Variants in WNK3 observed in about 807,000 individuals in gnomAD.
WNK3 encodes serine/threonine-protein kinase WNK3.
Under a neutral mutation model 116.7 loss-of-function variants are expected in WNK3, and 18 were observed. The ratio of observed to expected loss-of-function variants is 0.15; its 90% CI spans 0.11 to 0.23. The LOEUF is 0.23. Ranked by LOEUF, WNK3 falls within the 10% of genes least tolerant of loss-of-function variation. The probability of loss-of-function intolerance (pLI) is 1.00; values close to 1 mark genes in which losing one functional copy is unlikely to be tolerated. For synonymous variants in WNK3, 404 were observed against 469.4 expected, an observed-to-expected ratio of 0.86 and a Z score of 1.80; for missense variants, 993 against 1,323.8, an observed-to-expected ratio of 0.75 and a Z score of 3.88.
At chrX:54,206,284 G>A (rs2067552870) in intron 22 of WNK3, among the ~76,000 whole-genome samples, 1 of 110,862 alleles carries the variant, frequency 9.0e-6, no homozygotes, top group South Asian at 3.8e-4. Context: ...CAGCTACTTG[G>A]GAGGTTAAGG....
chrX:54,284,706 T>C (rs1384154882), intron 10 of WNK3, among the ~76,000 whole-genome samples: 12 of 112,163 alleles, frequency 1.1e-4, no homozygotes, highest in Non-Finnish European at 2.1e-4. Context: ...CATGGTGGCT[T>C]GTGCCTATAA....
chrX:54,349,874 C>T (rs1449805036), intron 1 of WNK3, among the ~76,000 whole-genome samples: 1 of 110,466 alleles, frequency 9.1e-6, no homozygotes, highest in Non-Finnish European at 1.9e-5. Flanking sequence ...AACAAGATCC[C>T]ACCTTTAAAA....
intron 3 of WNK3, among the ~76,000 whole-genome samples, chrX:54,310,090 G>A (rs1557169404): frequency 9.2e-6 from 1 of 109,122 alleles, no homozygotes; most frequent in African/African-American, 3.3e-5. Context: ...AATAATTGTG[G>A]TTAGAAATAA....
At position 54,262,416 on chromosome X, in the gene WNK3, G is replaced by A. The variant is rs782751914; in HGVS notation, c.2038-3078C>T. Reference sequence around the variant, plus strand: ...AGCTAACATTCACTATGAAACAAGCGTTGTAGTATGTGCTTTTTGCTTCCT... The same window carrying A: ...AGCTAACATTCACTATGAAACAAGCATTGTAGTATGTGCTTTTTGCTTCCT... On this transcript the variant is annotated intron_variant, in intron 10 of 23. Transcript: ENST00000354646. 1.3e-4 allele frequency among the ~76,000 whole-genome samples: 15 copies of A among 111,838 alleles called. No homozygotes were observed. In the South Asian group the frequency reaches 1.9e-3, roughly 14 times the overall value.
intron 1 of WNK3, among the ~76,000 whole-genome samples, chrX:54,344,798 G>C (rs1432634512): frequency 9.1e-6 from 1 of 109,338 alleles, no homozygotes; most frequent in Non-Finnish European, 1.9e-5. Context: ...CAAAATTTTA[G>C]CCGGGCGTGG....
exon 14 of WNK3, chrX:54,251,603 G>A (rs782763124): frequency 1.7e-6 from 2 of 1,210,358 alleles, no homozygotes; most frequent in Admixed American, 2.2e-5. Flanking sequence ...TGGACATGAA[G>A]GATCTCCTGG....
chrX:54,218,021 G>GAGGGA (rs1569535565), intron 22 of WNK3, among the ~76,000 whole-genome samples: 2 of 111,654 alleles, frequency 1.8e-5, no homozygotes, highest in Non-Finnish European at 3.8e-5. Context: ...AAACATCCTG[G>GAGGGA]AGGGGGCCTA....
rs782566238 is a variant in WNK3 at position 54,346,680 on chromosome X, C to A, written c.-120+11006G>T. ...TGGAATCAAAGTTCTGCCTTTCAAT[C>A]CTTGGAAGAGATTTCGGGCAAATTA... On this transcript the variant is annotated intron_variant, in intron 1 of 23. Coordinates refer to ENST00000354646, the Ensembl canonical transcript of WNK3. 1.1e-4 allele frequency among the ~76,000 whole-genome samples: 12 copies of A among 109,625 alleles called. No individual in the cohort carries two copies. In the East Asian group the frequency reaches 3.4e-3, roughly 31 times the overall value.
At chrX:54,347,452 C>T (rs1345973119) in intron 1 of WNK3, among the ~76,000 whole-genome samples, 1 of 110,855 alleles carries the variant, frequency 9.0e-6, no homozygotes, top group Non-Finnish European at 1.9e-5. Context: ...CGCCACTGCA[C>T]TCCAGCCTGG....
At chrX:54,241,595 C>T (rs782533350) in intron 17 of WNK3, among the ~76,000 whole-genome samples, 34 of 111,142 alleles carry the variant, frequency 3.1e-4, no homozygotes, top group African/African-American at 1.0e-3. Context: ...GAGATGCAAC[C>T]GCTTAAAAAT....
intron 5 of WNK3, among the ~76,000 whole-genome samples, chrX:54,304,347 T>C (rs2068799952): frequency 9.2e-6 from 1 of 108,901 alleles, no homozygotes; most frequent in Admixed American, 1.0e-4. Flanking sequence ...CTGGGCAACA[T>C]GGTGAAACCC....
chrX:54,256,690 C>G (rs2068196099), intron 11 of WNK3, among the ~76,000 whole-genome samples: 1 of 112,267 alleles, frequency 8.9e-6, no homozygotes, highest in Non-Finnish European at 1.9e-5. Flanking sequence ...CTCCTAAAAA[C>G]TACTCATGAA....
intron 22 of WNK3, among the ~76,000 whole-genome samples, chrX:54,216,545 G>A (rs781784074): frequency 9.0e-6 from 1 of 110,834 alleles, no homozygotes; most frequent in East Asian, 2.8e-4. Flanking sequence ...GGAATTCTGG[G>A]AGAACTAGAT....
chrX:54,299,450 T>G (rs1243921831), intron 6 of WNK3, among the ~76,000 whole-genome samples: 3 of 66,026 alleles, frequency 4.5e-5, no homozygotes, highest in South Asian at 1.0e-3. Context: ...TGTTTTGGTG[T>G]TTTTTTTTTT....
intron 12 of WNK3, among the ~76,000 whole-genome samples, chrX:54,255,105 G>A (rs782707400): frequency 2.7e-5 from 3 of 110,200 alleles, no homozygotes; most frequent in Admixed American, 1.9e-4. Flanking sequence ...TCAGCCTCCC[G>A]AGTAGTTGGG....
chrX:54,278,580 C>T (rs1255381927), intron 10 of WNK3, among the ~76,000 whole-genome samples: 2 of 110,402 alleles, frequency 1.8e-5, no homozygotes, highest in Admixed American at 1.9e-4. Flanking sequence ...GAAGAAAAGA[C>T]CCACGCAAAT....
chrX:54,308,142 TC>T, intron 4 of WNK3, 63 bp from the exon 5 acceptor site: 6 of 963,999 alleles, frequency 6.2e-6, no homozygotes, highest in Non-Finnish European at 8.4e-6. Flanking sequence ...CAAGATCACA[TC>T]CCCTTTCCTA....
At position 54,236,445 on chromosome X, in the gene WNK3, A is replaced by G. The variant is rs782442305; in HGVS notation, c.4628+493T>C. Reference sequence around the variant, plus strand: ...GCTGGCCTGAATTTCTTTTTTTTAAATGACCTATTTTATAAAACTAAATAC... The same window carrying G: ...GCTGGCCTGAATTTCTTTTTTTTAAGTGACCTATTTTATAAAACTAAATAC... On this transcript the variant is annotated intron_variant, in intron 20 of 23. Transcript: ENST00000354646. 2.3e-4 allele frequency among the ~76,000 whole-genome samples: 26 copies of G among 111,159 alleles called. No homozygotes were observed. In the East Asian group the frequency reaches 7.0e-3, roughly 30 times the overall value.
chrX:54,255,425 C>T (rs782564373), intron 12 of WNK3, among the ~76,000 whole-genome samples: 3 of 111,385 alleles, frequency 2.7e-5, no homozygotes, highest in Non-Finnish European at 5.7e-5. Context: ...ATTTTTGCTG[C>T]GATTACTAGT....
Sources: gnomAD v4.1 joint callset for allele counts (sites outside exome capture counted in the v4.1 genomes callset) on GRCh38, gnomAD v4.1.1 for gene constraint, MANE v1.5 for transcripts, NCBI Gene and HGNC (gene_info 2026-07-23, HGNC 2026-07-21) for gene names.